RHOU: variants seen among roughly 807,000 people sequenced by gnomAD.
The protein encoded by RHOU is ras homolog family member U, also known as rho-related GTP-binding protein RhoU.
RHOU carries 8 observed loss-of-function variants against 12.6 expected under a neutral mutation model. The observed-to-expected ratio is 0.64, with a 90% confidence interval of 0.37 to 1.15. The LOEUF (loss-of-function observed/expected upper bound fraction) is 1.15. RHOU is among the 50% of genes most tolerant of loss of function. RHOU has a pLI of 0.01. For synonymous variants in RHOU, 161 were observed against 147.4 expected (o/e 1.09, Z -0.67); for missense variants, 258 against 347.0 (o/e 0.74, Z 2.04).
At chr1:228,668,836 A>G in the RHOU span, among the ~76,000 whole-genome samples, 1 of 152,210 alleles carries the variant, frequency 6.6e-6, no homozygotes, top group Admixed American at 6.5e-5. Flanking sequence ...GAGCCAGCAG[A>G]CTAGCTGCCT....
At chr1:228,696,191 A>AT in the RHOU span, among the ~76,000 whole-genome samples, 27 of 151,480 alleles carry the variant, frequency 1.8e-4, no homozygotes, top group South Asian at 5.0e-3. Context: ...TTTCCCCTCT[A>AT]TTTTTTCTGC....
rs1062060 is a variant in RHOU, at chr1:228,744,274, C to T, written c.*534C>T. 0.15 allele frequency: 23,608 copies of T among 152,408 alleles called. 2,093 individuals carry two copies. Among genetic ancestry groups the T allele is most frequent in the South Asian group, 0.22 (1,073 of 4,818 alleles). The allele number at this position is 152,408 out of a possible 1,614,324, so 9.4% of individuals were successfully genotyped here. A position where few individuals can be genotyped will look rare whatever the true frequency, so the allele number is the denominator to read the frequency against. On this transcript the variant is annotated 3_prime_UTR_variant, in exon 3 of 3. Transcript: ENST00000366691. ...AGTGAGAGACCTCTGCCTACAAAACCTCAAACCAGTCACTTTTGTCAATTG... is the reference window on the plus strand; with the variant it reads ...AGTGAGAGACCTCTGCCTACAAAACTTCAAACCAGTCACTTTTGTCAATTG...
chr1:228,698,107 T>C, the RHOU span, among the ~76,000 whole-genome samples: 3 of 152,218 alleles, frequency 2.0e-5, no homozygotes, highest in Non-Finnish European at 4.4e-5. Context: ...GTTTTACAGA[T>C]CATGCATTTC....
the RHOU span, chr1:228,650,218 G>T: frequency 6.6e-6 from 3 of 457,092 alleles, no homozygotes; most frequent in South Asian, 1.5e-5. Context: ...TGGGGACCCT[G>T]GCCTTGGGCA....
chr1:228,684,589 T>TATTG, the RHOU span, among the ~76,000 whole-genome samples: 1 of 152,134 alleles, frequency 6.6e-6, no homozygotes, highest in Non-Finnish European at 1.5e-5. Flanking sequence ...TCGGCCTAAG[T>TATTG]ATTGGGATTA....
At chr1:228,731,029 TA>T (rs1407296284), upstream of RHOU, among the ~76,000 whole-genome samples, 1 of 152,204 alleles carries the variant, frequency 6.6e-6, no homozygotes, top group Non-Finnish European at 1.5e-5. Flanking sequence ...ACCATTTTAG[TA>T]AAAAACTACA....
Position 228,735,748 on chromosome 1 carries a change from C to T in RHOU, c.6C>T (p.Pro2=), listed in dbSNP as rs1455124209. ...AAGCCCGCGCTCGCGGATCGATGCC[C>T]CCGCAGCAGGGGGACCCCGCGTTCC... M[P]PQQGDPAFPD... The change falls in exon 1 of 3, where the codon CCC becomes CCT. Residue 2 remains proline (P), a synonymous_variant. Transcript: ENST00000366691. The surrounding 1 kb of genome is among the most constrained non-coding windows in gnomAD (Gnocchi z 8.1). 1.7e-6 allele frequency: 2 copies of T among 1,206,714 alleles called. No individual in the cohort carries two copies. Among genetic ancestry groups the T allele is most frequent in the African/African-American group, 3.2e-5 (2 of 63,208 alleles). The allele number at this position is 1,206,714 out of a possible 1,614,324, so 74.8% of individuals were successfully genotyped here.
chr1:228,670,513 TG>T, the RHOU span, among the ~76,000 whole-genome samples: 1 of 152,234 alleles, frequency 6.6e-6, no homozygotes, highest in Non-Finnish European at 1.5e-5. Flanking sequence ...TCCTTTAGGA[TG>T]GGTCAAGTGT....
At chr1:228,684,760 A>G in the RHOU span, among the ~76,000 whole-genome samples, 57 of 152,320 alleles carry the variant, frequency 3.7e-4, no homozygotes, top group African/African-American at 1.3e-3. Flanking sequence ...GTGAGGGAGA[A>G]GGAACCACAA....
the RHOU span, among the ~76,000 whole-genome samples, chr1:228,707,683 G>C: frequency 2.0e-5 from 3 of 152,218 alleles, no homozygotes; most frequent in South Asian, 6.2e-4. Flanking sequence ...AAGACCAAAA[G>C]TAGATAAAAC....
rs1036571790 is a variant in RHOU, at chr1:228,745,175, A to T, written c.*1435A>T. 8.5e-5 allele frequency: 13 copies of T among 152,186 alleles called. No homozygotes were observed. Among genetic ancestry groups the T allele is most frequent in the African/African-American group, 2.7e-4 (11 of 41,450 alleles). The allele number at this position is 152,186 out of a possible 1,614,324, so 9.4% of individuals were successfully genotyped here. A position where few individuals can be genotyped will look rare whatever the true frequency, so the allele number is the denominator to read the frequency against. ...CTGTGACAGTGAAATACATCCTTCA[A>T]GGTGGCAGCTGTTAGGGCTGAATCT... is the stretch of plus-strand genomic sequence containing the variant. On this transcript the variant is annotated 3_prime_UTR_variant, in exon 3 of 3. Transcript: ENST00000366691.
rs3215603 is a variant in RHOU, at chr1:228,737,893, GT to G, written c.321+164del. On this transcript the variant is annotated intron_variant, in intron 2 of 2. Transcript: ENST00000366691. The surrounding 1 kb of genome is among the most constrained non-coding windows in gnomAD (Gnocchi z 4.1). ...TTCTCTGAGGGTGGGCAGGGGCCAG[GT>G]TATTGGCCGGCAGGAAGCAGAGGAA... Among the ~76,000 whole-genome samples the G allele has an allele frequency of 0.38, 57,155 of 152,046 alleles. 11,945 individuals are homozygous for G. Among genetic ancestry groups the G allele is most frequent in the African/African-American group, 0.58 (24,024 of 41,440 alleles).
chr1:228,678,001 G>C, the RHOU span, among the ~76,000 whole-genome samples: 1 of 152,212 alleles, frequency 6.6e-6, no homozygotes, highest in South Asian at 2.1e-4. Context: ...TGTCTACCCA[G>C]ACCAAGAGGT....
rs759204684 is a variant in RHOU at position 228,743,772 on chromosome 1, A to C, written c.*32A>C. 2.5e-6 allele frequency: 4 copies of C among 1,570,978 alleles called. No homozygotes were observed. Among genetic ancestry groups the C allele is most frequent in the Non-Finnish European group, 3.5e-6 (4 of 1,155,292 alleles). On this transcript the variant is annotated 3_prime_UTR_variant, in exon 3 of 3. Coordinates refer to ENST00000366691, the MANE Select transcript of RHOU (RefSeq NM_021205.6). The surrounding 1 kb of genome is among the most constrained non-coding windows in gnomAD (Gnocchi z 5.1). ...CAAGACACCCAGAAAGGCTATTTTC[A>C]GATGAAATCGATATTAGAAGCTATA...
chr1:228,711,694 AC>A, the RHOU span, among the ~76,000 whole-genome samples: 2 of 152,038 alleles, frequency 1.3e-5, no homozygotes, highest in Non-Finnish European at 2.9e-5. Context: ...TAGACCTAAA[AC>A]CATAAAAACC....
chr1:228,741,562 G>A (rs1662720878), intron 2 of RHOU, among the ~76,000 whole-genome samples: 1 of 152,138 alleles, frequency 6.6e-6, no homozygotes, highest in South Asian at 2.1e-4. Flanking sequence ...AACAGAGGGA[G>A]CATTCCATTA....
At chr1:228,710,821 C>G in the RHOU span, among the ~76,000 whole-genome samples, 3 of 152,056 alleles carry the variant, frequency 2.0e-5, no homozygotes, top group African/African-American at 7.2e-5. Flanking sequence ...GGCAATGAGG[C>G]AGGAGAAGGA....
intron 2 of RHOU, among the ~76,000 whole-genome samples, chr1:228,742,754 A>G (rs1189980871): frequency 6.6e-6 from 1 of 152,218 alleles, no homozygotes; most frequent in African/African-American, 2.4e-5. Context: ...GAGCGTGTGC[A>G]CAGTGCAGAT....
chr1:228,665,951 C>T, the RHOU span, among the ~76,000 whole-genome samples: 2 of 148,630 alleles, frequency 1.3e-5, no homozygotes, highest in East Asian at 3.9e-4. Context: ...CTTCTTCACC[C>T]CAGCATCTAG....
Sources: gnomAD v4.1 joint callset for allele counts (sites outside exome capture counted in the v4.1 genomes callset) on GRCh38, gnomAD v4.1.1 for gene constraint, Gnocchi (gnomAD v3.1) non-coding constraint, MANE v1.5 for transcripts, NCBI Gene and HGNC (gene_info 2026-07-23, HGNC 2026-07-21) for gene names.